BPTF: variants seen among roughly 807,000 people sequenced by gnomAD.
BPTF encodes the protein bromodomain PHD finger transcription factor.
A neutral mutation model predicts 292.5 loss-of-function variants in BPTF; 18 were observed. That is an observed-to-expected ratio of 0.06 (90% CI 0.04 to 0.09). BPTF has a LOEUF of 0.09. Ranked by LOEUF, BPTF falls within the 10% of genes least tolerant of loss-of-function variation. The pLI, the probability that BPTF is intolerant of heterozygous loss-of-function variation, is 1.00. For missense variants in BPTF, 2,726 were observed against 3,498.7 expected (o/e 0.78, Z 5.57); for synonymous variants, 1,225 against 1,251.9 (o/e 0.98, Z 0.45).
At chr17:67,952,542 C>A (rs538372161) in intron 23 of BPTF, among the ~76,000 whole-genome samples, 8 of 152,104 alleles carry the variant, frequency 5.3e-5, no homozygotes, top group African/African-American at 4.8e-5. Context: ...GGATTCCAGG[C>A]GTGAGCCACC....
Position 67,911,186 on chromosome 17 carries a change from A to C in BPTF, c.3302A>C (p.Asn1101Thr), listed in dbSNP as rs1344204402. 1 of 1,613,638 alleles carries C rather than the reference A, an allele frequency of 6.2e-7. No homozygotes were observed. Among genetic ancestry groups the C allele is most frequent in the Non-Finnish European group, 8.5e-7 (1 of 1,179,946 alleles). ...AAGACTTCTACAAATTCTTCAAAAA[A>C]TCTCTCTGAATCACCAGTAATAACG... ...IGKTSTNSSK[N>T]LSESPVITKA... The change falls in exon 11 of 28, where the codon AAT becomes ACT. Residue 1101 changes from asparagine (N) to threonine (T), a missense_variant. Asn to Thr is a moderately conservative substitution (Grantham distance 65). This residue lies in a region of BPTF where 713 missense variants were observed against 714.9 expected (regional missense o/e 1.00). Transcript: ENST00000306378.
intron 1 of BPTF, among the ~76,000 whole-genome samples, chr17:67,838,532 A>G (rs111351421): frequency 0.033 from 4,954 of 152,184 alleles, 278 homozygotes; most frequent in African/African-American, 0.11. Context: ...GCTGGAGTGC[A>G]GTGGCACAAT....
chr17:67,868,740 A>G (rs1010941390), intron 3 of BPTF, among the ~76,000 whole-genome samples: 2 of 152,314 alleles, frequency 1.3e-5, no homozygotes, highest in South Asian at 2.1e-4. Context: ...TAGAATGTTT[A>G]TATTTAATAA....
chr17:67,839,287 GT>G (rs1280352137), intron 1 of BPTF, among the ~76,000 whole-genome samples: 2 of 151,922 alleles, frequency 1.3e-5, no homozygotes, highest in Non-Finnish European at 2.9e-5. Context: ...GACCTTCAAT[GT>G]GTTGAATGTA....
At chr17:67,856,624 CTT>C (rs2058708354) in intron 2 of BPTF, among the ~76,000 whole-genome samples, 1 of 152,146 alleles carries the variant, frequency 6.6e-6, no homozygotes, top group African/African-American at 2.4e-5. Context: ...GGAAATCCCT[CTT>C]GTCAGTATCT....
intron 18 of BPTF, among the ~76,000 whole-genome samples, chr17:67,934,404 G>C (rs2064722170): frequency 6.6e-6 from 1 of 151,980 alleles, no homozygotes; most frequent in South Asian, 2.1e-4. Flanking sequence ...TGTAATCCCA[G>C]CTACTTGGGA....
intron 19 of BPTF, among the ~76,000 whole-genome samples, chr17:67,941,286 G>C (rs11079713): frequency 6.6e-6 from 1 of 152,016 alleles, no homozygotes; most frequent in African/African-American, 2.4e-5. Context: ...TTCCATCTCT[G>C]CTAAAAGTAC....
At chr17:67,892,056 C>T in intron 5 of BPTF, 22 bp downstream of exon 5, 5 of 1,493,394 alleles carry the variant, frequency 3.3e-6, no homozygotes, top group Non-Finnish European at 4.5e-6. Flanking sequence ...CTGTTTAAAA[C>T]AAAAATCTGT....
intron 24 of BPTF, chr17:67,963,207 T>A: frequency 8.6e-7 from 1 of 1,163,976 alleles, no homozygotes; most frequent in Non-Finnish European, 1.2e-6. Context: ...GATTCAGAAA[T>A]GTTTAGCTGA....
At chr17:67,900,388 A>C (rs1190840493) in intron 7 of BPTF, among the ~76,000 whole-genome samples, 1 of 151,966 alleles carries the variant, frequency 6.6e-6, no homozygotes, top group Non-Finnish European at 1.5e-5. Context: ...TACAGGCGTT[A>C]GCCACCGCGT....
In BPTF at chr17:67,922,154, A is replaced by C. The variant is rs141982305; in HGVS notation, c.5558-686A>C. Among the ~76,000 whole-genome samples the C allele has an allele frequency of 2.1e-3, 322 of 152,274 alleles. 3 individuals are homozygous for C. Among genetic ancestry groups the C allele is most frequent in the African/African-American group, 7.5e-3 (310 of 41,548 alleles). On this transcript the variant is annotated intron_variant, in intron 13 of 27. Coordinates refer to ENST00000306378, the MANE Select transcript of BPTF (RefSeq NM_182641.4). ...TCCTTGACCCCACAGCCTTTGATGC[A>C]AACCACTGCAGTCCCCTAAAATCAC...
In BPTF at chr17:67,940,618, C is replaced by A; in HGVS notation, c.6439C>A (p.Leu2147Ile). The A allele has an allele frequency of 1.2e-6, 2 of 1,614,174 alleles. No individual in the cohort carries two copies. Among genetic ancestry groups the A allele is most frequent in the Non-Finnish European group, 1.7e-6 (2 of 1,180,022 alleles). Residue 2147 changes from leucine to isoleucine, a missense_variant, in exon 19 of 28, where the codon CTC becomes ATC. Transcript: ENST00000306378. ...TCGCCCCCAACAAGGACAAGTGAAGCTCACCATGGCTCAACTTACTCAGTT... is the reference window on the plus strand; with the variant it reads ...TCGCCCCCAACAAGGACAAGTGAAGATCACCATGGCTCAACTTACTCAGTT... ...PPRPQQGQVK[L>I]TMAQLTQLTQ...
intron 7 of BPTF, among the ~76,000 whole-genome samples, chr17:67,896,285 G>A (rs1475945913): frequency 2.6e-5 from 4 of 152,114 alleles, no homozygotes; most frequent in Non-Finnish European, 5.9e-5. Flanking sequence ...TTTAAATTGT[G>A]TTATTTCATG....
intron 23 of BPTF, among the ~76,000 whole-genome samples, chr17:67,949,871 G>T (rs1226985992): frequency 6.7e-6 from 1 of 150,302 alleles, no homozygotes; most frequent in African/African-American, 2.5e-5. Flanking sequence ...CCTGGCTAAC[G>T]TGGTGAAACT....
rs373208222 is a variant in BPTF at position 67,894,286 on chromosome 17, A to G, written c.2543+121A>G. ...TATTGAAGACTTTACTTTTGGCCTC[A>G]TTTTCTTCCTATATAAGTTGTAAAC... On this transcript the variant is annotated intron_variant, in intron 7 of 27. Transcript: ENST00000306378. 5.8e-5 allele frequency: 56 copies of G among 967,514 alleles called. No homozygotes were observed. The Middle Eastern group carries it at 1.3e-3, about 23-fold the overall frequency. The allele number at this position is 967,514 out of a possible 1,614,324, so 59.9% of individuals were successfully genotyped here. A position where few individuals can be genotyped will look rare whatever the true frequency, so the allele number is the denominator to read the frequency against.
chr17:67,928,515 G>C lies in BPTF; in HGVS notation c.5912G>C (p.Gly1971Ala). Residue 1971 changes from glycine (G) to alanine (A), a missense_variant, in exon 16 of 28, where the codon GGA becomes GCA. Transcript: ENST00000306378. ...AAAATGGTACTAACTACTAAAGTTG[G>C]ATCTCCAGCTACAGTAACATTCCAA... is the stretch of plus-strand genomic sequence containing the variant. ...GTKMVLTTKV[G>A]SPATVTFQQN... 6.2e-7 allele frequency: 1 copy of C among 1,614,106 alleles called. No individual in the cohort carries two copies. The highest frequency in any genetic ancestry group is 8.5e-7 in the Non-Finnish European group (1 of 1,180,006).
At chr17:67,881,530 C>T (rs1170415715) in intron 4 of BPTF, among the ~76,000 whole-genome samples, 1 of 138,820 alleles carries the variant, frequency 7.2e-6, no homozygotes, top group East Asian at 2.2e-4. Flanking sequence ...GAGACAGAGT[C>T]TCGCTCTGTC....
Position 67,826,244 on chromosome 17 carries a change from G to C in BPTF, c.520G>C (p.Asp174His). The stretch of plus-strand genomic sequence containing the variant: ...GATGGAAGAGGACGACGATGACTCC[G>C]ATTATCCGGAGGAGATGGAAGACGA... ...DEMEEDDDDSDYPEEMEDDDD... is the reference protein window; with the variant it reads ...DEMEEDDDDSHYPEEMEDDDD... Residue 174 changes from aspartate to histidine, a missense_variant, in exon 1 of 28, where the codon GAT becomes CAT. Physicochemically the swap from Asp to His is moderately conservative, Grantham distance 81 (BLOSUM62 -1). This residue lies in a region of BPTF where 153 missense variants were observed against 178.3 expected (regional missense o/e 0.86). Coordinates refer to ENST00000306378, the MANE Select transcript of BPTF (RefSeq NM_182641.4). The C allele has an allele frequency of 6.2e-7, 1 of 1,613,760 alleles. No homozygotes were observed. Among genetic ancestry groups the C allele is most frequent in the Non-Finnish European group, 8.5e-7 (1 of 1,179,892 alleles).
At chr17:67,859,118 C>T (rs2058917378) in intron 2 of BPTF, among the ~76,000 whole-genome samples, 1 of 151,974 alleles carries the variant, frequency 6.6e-6, no homozygotes, top group African/African-American at 2.4e-5. Flanking sequence ...AATGTAGGTA[C>T]TATATTTTTT....
Sources: gnomAD v4.1 joint callset for allele counts (sites outside exome capture counted in the v4.1 genomes callset) on GRCh38, gnomAD v4.1.1 for gene constraint, gnomAD v4.1.1 regional missense constraint, MANE v1.5 for transcripts, NCBI Gene and HGNC (gene_info 2026-07-23, HGNC 2026-07-21) for gene names.